Variants in PRKCA observed in about 807,000 individuals in gnomAD.
PRKCA encodes the protein protein kinase C alpha type.
A neutral mutation model predicts 87.0 loss-of-function variants in PRKCA; 27 were observed. The observed-to-expected ratio is 0.31, with a 90% confidence interval of 0.23 to 0.43. The LOEUF is 0.43. Ranked by LOEUF, PRKCA falls within the 20% of genes least tolerant of loss-of-function variation. The probability of loss-of-function intolerance (pLI) is 1.00; values close to 1 mark genes in which losing one functional copy is unlikely to be tolerated. For synonymous variants in PRKCA, 329 were observed against 311.1 expected, an observed-to-expected ratio of 1.06 and a Z score of -0.61; for missense variants, 518 against 852.3, an observed-to-expected ratio of 0.61 and a Z score of 4.88.
At chr17:66,524,287 C>T (rs893462720) in intron 3 of PRKCA, among the ~76,000 whole-genome samples, 5 of 152,204 alleles carry the variant, frequency 3.3e-5, no homozygotes, top group African/African-American at 1.2e-4. Context: ...TTGTTGCTTG[C>T]GATTCAGATT....
intron 2 of PRKCA, among the ~76,000 whole-genome samples, chr17:66,332,143 G>A: frequency 6.6e-6 from 1 of 151,224 alleles, no homozygotes; most frequent in Non-Finnish European, 1.5e-5. Context: ...ATAGACCATG[G>A]GAATTCTGGT....
intron 3 of PRKCA, among the ~76,000 whole-genome samples, chr17:66,637,452 C>T (rs1420304776): frequency 6.6e-6 from 1 of 152,134 alleles, no homozygotes; most frequent in African/African-American, 2.4e-5. Context: ...AACATTCTTC[C>T]TGATGTCCTG....
intron 8 of PRKCA, among the ~76,000 whole-genome samples, chr17:66,722,002 C>G (rs1365889259): frequency 6.6e-6 from 1 of 152,250 alleles, no homozygotes; most frequent in African/African-American, 2.4e-5. Context: ...GATGGACCCA[C>G]CGGGAGCCCT....
chr17:66,352,615 G>C (rs1223703905), intron 2 of PRKCA, among the ~76,000 whole-genome samples: 1 of 141,314 alleles, frequency 7.1e-6, no homozygotes. Context: ...CCAGGCTGGA[G>C]TGCAGTGGCG....
chr17:66,583,221 G>C (rs1415760966), intron 3 of PRKCA, among the ~76,000 whole-genome samples: 1 of 152,170 alleles, frequency 6.6e-6, no homozygotes, highest in Non-Finnish European at 1.5e-5. Context: ...CTCCAGATTA[G>C]AGAAGTTACA....
intron 2 of PRKCA, among the ~76,000 whole-genome samples, chr17:66,358,868 G>A (rs995472974): frequency 4.8e-4 from 73 of 151,734 alleles, no homozygotes; most frequent in Middle Eastern, 3.4e-3. Flanking sequence ...GGTTACATAC[G>A]TTGTGTCACT....
chr17:66,518,463 G>C (rs1237386807), intron 3 of PRKCA, among the ~76,000 whole-genome samples: 2 of 152,134 alleles, frequency 1.3e-5, no homozygotes, highest in East Asian at 3.8e-4. Context: ...TTGCTTAATA[G>C]TTTTTAGCTT....
chr17:66,722,546 A>G (rs778608708), intron 8 of PRKCA, among the ~76,000 whole-genome samples: 8 of 152,262 alleles, frequency 5.3e-5, no homozygotes, highest in Non-Finnish European at 1.0e-4. Flanking sequence ...TTTGCTTTAC[A>G]GAATGCCACT....
intron 5 of PRKCA, among the ~76,000 whole-genome samples, chr17:66,670,254 T>C (rs1242619146): frequency 6.6e-6 from 1 of 152,186 alleles, no homozygotes; most frequent in Non-Finnish European, 1.5e-5. Flanking sequence ...GGAAGTCATA[T>C]AAGGATAAGC....
chr17:66,316,864 CG>C, intron 2 of PRKCA, among the ~76,000 whole-genome samples: 1 of 152,060 alleles, frequency 6.6e-6, no homozygotes, highest in African/African-American at 2.4e-5. Context: ...AATCAGCAGC[CG>C]GGCGTGGTGG....
chr17:66,534,538 G>C (rs1025571749), intron 3 of PRKCA, among the ~76,000 whole-genome samples: 2 of 152,056 alleles, frequency 1.3e-5, no homozygotes, highest in Admixed American at 1.3e-4. Context: ...GTGGTGGCGG[G>C]CGCCTGTAGT....
intron 3 of PRKCA, among the ~76,000 whole-genome samples, chr17:66,521,625 A>G (rs7218008): frequency 0.65 from 98,821 of 152,096 alleles, 33,120 homozygotes; most frequent in African/African-American, 0.82. Flanking sequence ...GTGATGAATC[A>G]AGTCATCTGG....
intron 3 of PRKCA, among the ~76,000 whole-genome samples, chr17:66,636,058 G>T (rs1452664077): frequency 6.6e-6 from 1 of 152,104 alleles, no homozygotes; most frequent in Non-Finnish European, 1.5e-5. Flanking sequence ...TCCATCCTCA[G>T]CATCCTTAGG....
intron 14 of PRKCA, among the ~76,000 whole-genome samples, chr17:66,781,172 T>C (rs1975200306): frequency 6.6e-6 from 1 of 152,224 alleles, no homozygotes; most frequent in Admixed American, 6.5e-5. Context: ...ATTACTGCTA[T>C]TCACCAGGTA....
intron 2 of PRKCA, among the ~76,000 whole-genome samples, chr17:66,363,191 A>ATG (rs1024511540): frequency 2.2e-4 from 34 of 152,208 alleles, no homozygotes; most frequent in African/African-American, 8.2e-4. Context: ...CACTGCAAAG[A>ATG]TGAGCACCAG....
intron 13 of PRKCA, among the ~76,000 whole-genome samples, chr17:66,770,887 C>T (rs575220691): frequency 9.2e-5 from 14 of 152,084 alleles, no homozygotes; most frequent in African/African-American, 3.1e-4. Flanking sequence ...TGAAGATGCA[C>T]GTGTCTGGGA....
rs146408560 is a variant in PRKCA at position 66,346,307 on chromosome 17, T to C, written c.205+40180T>C. Among the ~76,000 whole-genome samples, 490 of 151,812 alleles carry C rather than the reference T, an allele frequency of 3.2e-3. 2 individuals are homozygous for C. The highest frequency in any genetic ancestry group is 8.9e-3 in the African/African-American group (369 of 41,396). On this transcript the variant is annotated intron_variant, in intron 2 of 16. Coordinates refer to ENST00000413366, the MANE Select transcript of PRKCA (RefSeq NM_002737.3). ...AGAGACAGGGTTTCACCGTGTTAGC[T>C]AGGATGGTCTCGATCTCCTGACCTA...
At chr17:66,802,057 C>CA (rs1029514422) in intron 16 of PRKCA, among the ~76,000 whole-genome samples, 22 of 152,038 alleles carry the variant, frequency 1.4e-4, no homozygotes, top group Admixed American at 1.3e-3. Flanking sequence ...CCTGTCAATA[C>CA]AAAAAATGCA....
At chr17:66,736,234 T>C (rs1974022607) in intron 10 of PRKCA, among the ~76,000 whole-genome samples, 1 of 151,556 alleles carries the variant, frequency 6.6e-6, no homozygotes, top group Admixed American at 6.6e-5. Context: ...GGTACTGTGC[T>C]CAGACTTTGG....
Sources: allele counts gnomAD v4.1 joint callset (sites outside exome capture counted in the v4.1 genomes callset), GRCh38; gene constraint gnomAD v4.1.1; transcripts MANE v1.5; gene names NCBI Gene and HGNC (gene_info 2026-07-23, HGNC 2026-07-21).